The following ACSF3 variants were observed in gnomAD, a reference collection of about 807,000 sequenced individuals.
ACSF3 encodes malonate--CoA ligase ACSF3, mitochondrial.
A neutral mutation model predicts 53.2 loss-of-function variants in ACSF3; 78 were observed. The ratio of observed to expected loss-of-function variants is 1.47; its 90% CI spans 1.22 to 1.77. The LOEUF is 1.77. Among genes scored for constraint, ACSF3 ranks in the 40% most tolerant of loss-of-function variants. The pLI, the probability that ACSF3 is intolerant of heterozygous loss-of-function variation, is 0.00. For synonymous variants in ACSF3, 414 were observed against 333.1 expected (o/e 1.24, Z -2.65); for missense variants, 937 against 771.1 (o/e 1.22, Z -2.55).
intron 10 of ACSF3, chr16:89,151,430 A>G (rs1567755046): frequency 3.1e-6 from 1 of 325,530 alleles, no homozygotes; most frequent in Non-Finnish European, 6.0e-6. Context: ...AATCAAAACC[A>G]GACAAGAAAA....
At chr16:89,107,875 A>G (rs1454886047) in intron 4 of ACSF3, among the ~76,000 whole-genome samples, 1 of 152,132 alleles carries the variant, frequency 6.6e-6, no homozygotes, top group Non-Finnish European at 1.5e-5. Flanking sequence ...GCTGGTACCA[A>G]TTTACTGTAT....
chr16:89,153,916 G>A, intron 10 of ACSF3, 174 bp from the exon 11 acceptor site: 1 of 658,124 alleles, frequency 1.5e-6, no homozygotes. Flanking sequence ...CCCCTGGGCT[G>A]CTAGGGCAGA....
At chr16:89,141,814 C>T (rs1911814683) in intron 8 of ACSF3, among the ~76,000 whole-genome samples, 1 of 152,338 alleles carries the variant, frequency 6.6e-6, no homozygotes, top group Admixed American at 6.5e-5. Flanking sequence ...CCACCATGCA[C>T]TGAGGGCCCT....
intron 7 of ACSF3, among the ~76,000 whole-genome samples, chr16:89,131,890 A>G (rs896995011): frequency 2.6e-5 from 4 of 152,390 alleles, no homozygotes; most frequent in Admixed American, 2.0e-4. Flanking sequence ...CTGCACGGAA[A>G]GCCCCGTCAC....
chr16:89,153,452 AG>A (rs1282029243), intron 10 of ACSF3: 1 of 108,540 alleles, frequency 9.2e-6, no homozygotes, highest in Non-Finnish European at 1.8e-5. Flanking sequence ...CACCCGTGTC[AG>A]CACCGCCCAC....
At chr16:89,126,306 TC>T (rs1399325769) in intron 7 of ACSF3, among the ~76,000 whole-genome samples, 1 of 152,202 alleles carries the variant, frequency 6.6e-6, no homozygotes, top group Non-Finnish European at 1.5e-5. Flanking sequence ...TCTTGTCCTT[TC>T]GCCCAGGCTG....
At chr16:89,133,547 C>G (rs1435495007) in intron 8 of ACSF3, among the ~76,000 whole-genome samples, 3 of 152,196 alleles carry the variant, frequency 2.0e-5, no homozygotes, top group Non-Finnish European at 4.4e-5. Flanking sequence ...GACAGCCGCT[C>G]CGGCACGCAC....
Position 89,120,807 on chromosome 16 carries a change from T to C in ACSF3, c.1133T>C (p.Val378Ala). 2 of 1,613,966 alleles carry C rather than the reference T, an allele frequency of 1.2e-6. No homozygotes were observed. The highest frequency in any genetic ancestry group is 1.3e-5 in the African/African-American group (1 of 75,050). Residue 378 changes from valine (V) to alanine (A), a missense_variant, in exon 7 of 11, where the codon GTG (valine) becomes GCG (alanine). Transcript: ENST00000614302. The stretch of plus-strand genomic sequence containing the variant: ...TGTTTCTCCTCTCCTGTAGGTTCCG[T>C]GGGGACCCCACTGCCTGGAGTACAG... ...LTTAVRLPGS[V>A]GTPLPGVQVR...
chr16:89,118,551 C>G (rs1481740808), intron 6 of ACSF3, among the ~76,000 whole-genome samples: 1 of 90,774 alleles, frequency 1.1e-5, no homozygotes, highest in Non-Finnish European at 2.5e-5. Context: ...AGTGCACTGT[C>G]CGTGCTCGGA....
At chr16:89,103,965 C>G (rs895134107) in intron 4 of ACSF3, among the ~76,000 whole-genome samples, 1 of 152,180 alleles carries the variant, frequency 6.6e-6, no homozygotes, top group Non-Finnish European at 1.5e-5. Flanking sequence ...GGGCTCGAGG[C>G]GGGACCCTGT....
Position 89,154,129 on chromosome 16 carries a change from G to A in ACSF3, c.1653G>A (p.Val551=), listed in dbSNP as rs1056070408. 2 of 1,613,278 alleles carry A rather than the reference G, an allele frequency of 1.2e-6. No homozygotes were observed. Among genetic ancestry groups the A allele is most frequent in the Admixed American group, 1.7e-5 (1 of 59,908 alleles). ...CGTACGCGGTGCCCTCGGAGCTGGT[G>A]CTGGTGGAGGAGATCCCGCGGAACC... ...LAPYAVPSEL[V]LVEEIPRNQM... Residue 551 remains valine (V), a synonymous_variant, in exon 11 of 11, where the codon GTG becomes GTA. Coordinates refer to ENST00000614302, the MANE Select transcript of ACSF3 (RefSeq NM_001243279.3).
intron 8 of ACSF3, among the ~76,000 whole-genome samples, chr16:89,140,460 G>T (rs1911536881): frequency 6.6e-6 from 1 of 152,210 alleles, no homozygotes; most frequent in Non-Finnish European, 1.5e-5. Flanking sequence ...CTTGGGCAGG[G>T]CCTTGGGCTT....
rs1245847525 is a variant in ACSF3 at position 89,154,141 on chromosome 16, G to A, written c.1665G>A (p.Glu555=). 6.2e-7 allele frequency: 1 copy of A among 1,613,426 alleles called. No individual in the cohort carries two copies. ...CCTCGGAGCTGGTGCTGGTGGAGGA[G>A]ATCCCGCGGAACCAGATGGGCAAGA... The part of the protein sequence containing the change: ...AVPSELVLVE[E]IPRNQMGKID... Residue 555 remains glutamate, a synonymous_variant, in exon 11 of 11, where the codon GAG becomes GAA. Coordinates refer to ENST00000614302, the MANE Select transcript of ACSF3 (RefSeq NM_001243279.3).
intron 7 of ACSF3, among the ~76,000 whole-genome samples, chr16:89,128,952 C>A (rs1361759650): frequency 7.5e-6 from 1 of 132,976 alleles, no homozygotes; most frequent in African/African-American, 2.9e-5. Flanking sequence ...ATAGTGAGAC[C>A]CCATCTCTAC....
chr16:89,148,680 G>T lies in ACSF3; in HGVS notation c.1613+2631G>T, dbSNP rs182041383. On this transcript the variant is annotated intron_variant, in intron 10 of 10. Coordinates refer to ENST00000614302, the MANE Select transcript of ACSF3 (RefSeq NM_001243279.3). ...CAGGGCCCCACTGGGGACTCTGTGT[G>T]GGGGCTCCAACCCCATCTTTCTCCT... 5.9e-4 allele frequency: 90 copies of T among 152,400 alleles called. 1 individual carries two copies. Among genetic ancestry groups the T allele is most frequent in the African/African-American group, 2.0e-3 (85 of 41,586 alleles). 9.4% of individuals were successfully genotyped at this position (152,400 alleles called of 1,614,324 possible).
chr16:89,142,286 C>T (rs545202043), intron 8 of ACSF3, among the ~76,000 whole-genome samples: 3 of 152,250 alleles, frequency 2.0e-5, no homozygotes, highest in Non-Finnish European at 2.9e-5. Context: ...AGAAGCATCT[C>T]GGGGCAGAGG....
At chr16:89,130,384 G>A (rs912724583) in intron 7 of ACSF3, among the ~76,000 whole-genome samples, 4 of 152,134 alleles carry the variant, frequency 2.6e-5, no homozygotes, top group African/African-American at 9.7e-5. Flanking sequence ...GACCAGCCTG[G>A]CCAACATGGG....
In ACSF3 at chr16:89,155,523, G is replaced by A. The variant is rs560746166; in HGVS notation, c.*1316G>A. 9.2e-5 allele frequency: 42 copies of A among 454,086 alleles called. No individual in the cohort carries two copies. The highest frequency in any genetic ancestry group is 7.0e-4 in the African/African-American group (35 of 50,106). The allele number at this position is 454,086 out of a possible 1,614,324, so 28.1% of individuals were successfully genotyped here. A position where few individuals can be genotyped will look rare whatever the true frequency, so the allele number is the denominator to read the frequency against. On this transcript the variant is annotated 3_prime_UTR_variant, in exon 11 of 11. Coordinates refer to ENST00000614302, the MANE Select transcript of ACSF3 (RefSeq NM_001243279.3). ...AGGACTGGTGGGTGCCCCAGTCCAC[G>A]GCCCTGCCCCACCCGAACTCCTGCC...
chr16:89,141,321 G>T (rs1202549979), intron 8 of ACSF3: 2 of 1,282,082 alleles, frequency 1.6e-6, no homozygotes, highest in Admixed American at 4.6e-5. Flanking sequence ...GGGAGATGTC[G>T]ACCCTCGGAG....
Sources: gnomAD v4.1 joint callset for allele counts (sites outside exome capture counted in the v4.1 genomes callset) on GRCh38, gnomAD v4.1.1 for gene constraint, MANE v1.5 for transcripts, NCBI Gene and HGNC (gene_info 2026-07-23, HGNC 2026-07-21) for gene names.